TMTC2: variants seen among roughly 807,000 people sequenced by gnomAD.
The protein encoded by TMTC2 is transmembrane O-mannosyltransferase targeting cadherins 2.
TMTC2 carries 43 observed loss-of-function variants against 82.4 expected under a neutral mutation model. That is an observed-to-expected ratio of 0.52 (90% CI 0.41 to 0.67). TMTC2 has a LOEUF of 0.67. TMTC2 is among the 30% of genes least tolerant of loss of function. TMTC2 has a pLI of 0.00. For missense variants in TMTC2, 919 were observed against 1,012.4 expected, an observed-to-expected ratio of 0.91 and a Z score of 1.25; for synonymous variants, 408 against 381.9, an observed-to-expected ratio of 1.07 and a Z score of -0.80.
At chr12:82,777,035 T>C (rs1028044151) in intron 1 of TMTC2, among the ~76,000 whole-genome samples, 10 of 152,142 alleles carry the variant, frequency 6.6e-5, no homozygotes. Flanking sequence ...TTTGTCTGAG[T>C]TGCACAGCTC....
intron 3 of TMTC2, among the ~76,000 whole-genome samples, chr12:82,897,868 C>T (rs986247220): frequency 6.6e-6 from 1 of 152,066 alleles, no homozygotes; most frequent in Non-Finnish European, 1.5e-5. Context: ...AGCATTTGAA[C>T]TGGCATTTTT....
At chr12:82,688,644 C>T (rs961259382) in intron 1 of TMTC2, among the ~76,000 whole-genome samples, 2 of 152,186 alleles carry the variant, frequency 1.3e-5, no homozygotes, top group African/African-American at 4.8e-5. Context: ...AACAGCACGC[C>T]TGGCTAAACT....
intron 11 of TMTC2, among the ~76,000 whole-genome samples, chr12:83,095,230 GT>G (rs372668283): frequency 0.11 from 13,997 of 126,164 alleles, 952 homozygotes; most frequent in African/African-American, 0.19. Context: ...TTTTTTTTTT[GT>G]TTTTTTTTTT....
At chr12:82,918,495 T>C (rs140939956) in intron 3 of TMTC2, among the ~76,000 whole-genome samples, 2 of 152,122 alleles carry the variant, frequency 1.3e-5, no homozygotes, top group East Asian at 1.9e-4. Context: ...CAAAGACATA[T>C]GTTAAATTTG....
At chr12:82,972,576 A>G (rs1343904886) in intron 7 of TMTC2, among the ~76,000 whole-genome samples, 2 of 152,204 alleles carry the variant, frequency 1.3e-5, no homozygotes, top group Non-Finnish European at 2.9e-5. Context: ...AATTTTTTGT[A>G]TAAAAAGCTT....
At chr12:82,904,888 G>C (rs1249012133) in intron 3 of TMTC2, among the ~76,000 whole-genome samples, 2 of 151,458 alleles carry the variant, frequency 1.3e-5, no homozygotes, top group Non-Finnish European at 2.9e-5. Context: ...CCACTGCTTG[G>C]TTTTGACTAT....
chr12:82,913,510 A>G (rs1202622253), intron 3 of TMTC2, among the ~76,000 whole-genome samples: 4 of 152,202 alleles, frequency 2.6e-5, no homozygotes, highest in East Asian at 1.9e-4. Context: ...TGACATGTCA[A>G]TAATCTGACA....
At chr12:82,770,113 A>G (rs1274461653) in intron 1 of TMTC2, among the ~76,000 whole-genome samples, 1 of 152,154 alleles carries the variant, frequency 6.6e-6, no homozygotes. Context: ...TGAGTGATTT[A>G]TTATGTTACC....
At chr12:82,938,938 G>T (rs1592642496) in intron 4 of TMTC2, among the ~76,000 whole-genome samples, 1 of 152,082 alleles carries the variant, frequency 6.6e-6, no homozygotes, top group Admixed American at 6.5e-5. Flanking sequence ...ACACTTTTAA[G>T]TTTTTTCCCC....
intron 1 of TMTC2, among the ~76,000 whole-genome samples, chr12:82,731,888 T>C (rs997500498): frequency 1.2e-4 from 19 of 152,262 alleles, no homozygotes; most frequent in Non-Finnish European, 2.5e-4. Context: ...GAGCCAATTC[T>C]TGATTAATAG....
In TMTC2 at chr12:82,845,451, T is replaced by C. The variant is rs973390125; in HGVS notation, c.84-11559T>C. 4.0e-5 allele frequency among the ~76,000 whole-genome samples: 6 copies of C among 151,790 alleles called. No individual in the cohort carries two copies. The East Asian group carries it at 1.2e-3, about 29-fold the overall frequency. On this transcript the variant is annotated intron_variant, in intron 1 of 11. Transcript: ENST00000321196. ...AATTATGTAAACAAATGGACTAAAGTGGTTCATGTATAGTACCTGATTTAA... is the reference window on the plus strand; with the variant it reads ...AATTATGTAAACAAATGGACTAAAGCGGTTCATGTATAGTACCTGATTTAA...
intron 1 of TMTC2, among the ~76,000 whole-genome samples, chr12:82,851,710 G>C (rs1371340667): frequency 6.6e-6 from 1 of 152,098 alleles, no homozygotes; most frequent in Non-Finnish European, 1.5e-5. Flanking sequence ...TTCTTGCAAA[G>C]AACATTTCAA....
chr12:83,075,705 A>G (rs971873469), intron 11 of TMTC2, among the ~76,000 whole-genome samples: 1 of 152,212 alleles, frequency 6.6e-6, no homozygotes, highest in African/African-American at 2.4e-5. Flanking sequence ...TTCCAGCAAG[A>G]TAGATGTTCA....
chr12:82,965,695 GT>G lies in TMTC2; in HGVS notation c.1822del (p.Cys608ValfsTer5). The G allele has an allele frequency of 6.2e-7, 1 of 1,613,850 alleles. No homozygotes were observed. Among genetic ancestry groups the G allele is most frequent in the Non-Finnish European group, 8.5e-7 (1 of 1,179,834 alleles). ...DPHAHKSSVT[S>X]CLYNLGKLYH... ...CATGCACACAAGAGCTCTGTTACCA[GT>G]TGTTTGTACAACCTAGGAAAGCTGT... On this transcript the variant is annotated frameshift_variant, in exon 6 of 12. Coordinates refer to ENST00000321196, the MANE Select transcript of TMTC2 (RefSeq NM_152588.3). LOFTEE classifies it high-confidence loss of function.
At chr12:82,719,085 A>ATTTTTTTTTTTTTTTT (rs71068944) in intron 1 of TMTC2, among the ~76,000 whole-genome samples, 1 of 41,406 alleles carries the variant, frequency 2.4e-5, no homozygotes, top group Non-Finnish European at 3.8e-5. Context: ...ATATATATAT[A>ATTTTTTTTTTTTTTTT]TTTTTTTTTT....
Position 83,030,801 on chromosome 12 carries a change from C to G in TMTC2, c.2074C>G (p.Arg692Gly). The change falls in exon 9 of 12, where the codon CGT becomes GGT. Residue 692 changes from arginine to glycine, a missense_variant. Arg to Gly is a moderately radical substitution (Grantham distance 125). Coordinates refer to ENST00000321196, the MANE Select transcript of TMTC2 (RefSeq NM_152588.3). ...TCCATTTTCTCTGTTTTTCAAGGGT[C>G]GTAAGAGTGAGGCTGAAAAGCTCTT... Reference protein sequence around the residue: ...TYGKLLALTGRKSEAEKLFLK... With the variant: ...TYGKLLALTGGKSEAEKLFLK... 1 of 1,612,302 alleles carries G rather than the reference C, an allele frequency of 6.2e-7. No homozygotes were observed. Among genetic ancestry groups the G allele is most frequent in the Admixed American group, 1.7e-5 (1 of 60,004 alleles).
intron 2 of TMTC2, among the ~76,000 whole-genome samples, chr12:82,870,713 A>G (rs1872132262): frequency 6.6e-6 from 1 of 152,224 alleles, no homozygotes; most frequent in Non-Finnish European, 1.5e-5. Flanking sequence ...ACCACAGAAT[A>G]TCACTTTAGC....
At chr12:82,908,546 A>G (rs1565804671) in intron 3 of TMTC2, among the ~76,000 whole-genome samples, 1 of 152,096 alleles carries the variant, frequency 6.6e-6, no homozygotes, top group Non-Finnish European at 1.5e-5. Context: ...AATTGATTAT[A>G]ATGTATTATC....
intron 2 of TMTC2, among the ~76,000 whole-genome samples, chr12:82,883,072 A>C (rs1275634742): frequency 2.0e-5 from 3 of 148,218 alleles, no homozygotes; most frequent in Non-Finnish European, 2.9e-5. Context: ...AAAAAAAAAA[A>C]AAAAAAAAAA....
Sources: gnomAD v4.1 joint callset for allele counts (sites outside exome capture counted in the v4.1 genomes callset) on GRCh38, gnomAD v4.1.1 for gene constraint, MANE v1.5 for transcripts, NCBI Gene and HGNC (gene_info 2026-07-23, HGNC 2026-07-21) for gene names.